The following PARP8 variants were observed in gnomAD, a reference collection of about 807,000 sequenced individuals.
The protein encoded by PARP8 is protein mono-ADP-ribosyltransferase PARP8.
PARP8 carries 51 observed loss-of-function variants against 124.1 expected under a neutral mutation model. The observed-to-expected ratio is 0.41, with a 90% CI of 0.33 to 0.52. The LOEUF (loss-of-function observed/expected upper bound fraction) is 0.52. Ranked by LOEUF, PARP8 falls within the 20% of genes least tolerant of loss-of-function variation. PARP8 has a pLI of 0.21. For missense variants in PARP8, 860 were observed against 1,018.9 expected (o/e 0.84, Z 2.12); for synonymous variants, 391 against 361.5 (o/e 1.08, Z -0.93).
At position 50,778,634 on chromosome 5, in the gene PARP8, G is replaced by A. The variant is rs1418834910; in HGVS notation, c.654G>A (p.Gln218=). 7 of 1,597,586 alleles carry A rather than the reference G, an allele frequency of 4.4e-6. No homozygotes were observed. Among genetic ancestry groups the A allele is most frequent in the Non-Finnish European group, 6.0e-6 (7 of 1,172,036 alleles). Residue 218 remains glutamine (Q), a synonymous_variant, in exon 9 of 26, where the codon CAG becomes CAA. Transcript: ENST00000281631. ...TTCGACTACACTGTTCACTTACACA[G>A]TATTTAAATGGCCCAGGTTAGTTTT... is the stretch of plus-strand genomic sequence containing the variant. ...IIVRLHCSLT[Q]YLNGPVPTVD...
intron 4 of PARP8, among the ~76,000 whole-genome samples, 193 bp downstream of exon 4, chr5:50,759,925 T>TA (rs1561340586): frequency 6.6e-6 from 1 of 152,180 alleles, no homozygotes; most frequent in African/African-American, 2.4e-5. Flanking sequence ...AAAGTAGTTG[T>TA]AAAAAAATTC....
chr5:50,830,615 A>G (rs915525398), intron 22 of PARP8, among the ~76,000 whole-genome samples: 2 of 152,234 alleles, frequency 1.3e-5, no homozygotes, highest in Non-Finnish European at 2.9e-5. Context: ...CATGATTTAT[A>G]TAACAACTAA....
intron 12 of PARP8, 111 bp from the exon 13 acceptor site, chr5:50,796,871 A>T: frequency 1.1e-6 from 1 of 903,158 alleles, no homozygotes; most frequent in Non-Finnish European, 1.6e-6. Context: ...TTCATATTTC[A>T]TGTGATCTTA....
In PARP8 at chr5:50,718,545, C is replaced by T. The variant is rs139640973; in HGVS notation, c.147-31606C>T. 3.0e-4 allele frequency among the ~76,000 whole-genome samples: 45 copies of T among 151,694 alleles called. 1 individual carries two copies. The East Asian group carries it at 7.0e-3, about 24-fold the overall frequency. Reference sequence around the variant, plus strand: ...ATTTGGTTCAGTTTTTTTTCAGCTCCGACATATGAGTGAGAATATGTAGTC... The same window carrying T: ...ATTTGGTTCAGTTTTTTTTCAGCTCTGACATATGAGTGAGAATATGTAGTC... On this transcript the variant is annotated intron_variant, in intron 2 of 25. Coordinates refer to ENST00000281631, the MANE Select transcript of PARP8 (RefSeq NM_024615.4).
rs189277860 is a variant in PARP8 at position 50,812,419 on chromosome 5, C to T, written c.1576-3013C>T. ...TTGAGAAGTGTCTGTTCGTATCCTT[C>T]GCCCACTTTTTGTTGGGGTTGTTTG... is the stretch of plus-strand genomic sequence containing the variant. On this transcript the variant is annotated intron_variant, in intron 14 of 25. Coordinates refer to ENST00000281631, the MANE Select transcript of PARP8 (RefSeq NM_024615.4). Among the ~76,000 whole-genome samples the T allele has an allele frequency of 2.1e-4, 32 of 152,158 alleles. 1 individual carries two copies. Among genetic ancestry groups the T allele is most frequent in the South Asian group, 8.3e-4 (4 of 4,816 alleles).
intron 22 of PARP8, among the ~76,000 whole-genome samples, chr5:50,830,327 ATAT>A (rs1746809173): frequency 6.6e-6 from 1 of 152,160 alleles, no homozygotes; most frequent in Admixed American, 6.5e-5. Context: ...TATCTTTGTA[ATAT>A]TATTCATAAA....
At chr5:50,720,096 A>C (rs1185618080) in intron 2 of PARP8, among the ~76,000 whole-genome samples, 3 of 152,096 alleles carry the variant, frequency 2.0e-5, no homozygotes, top group South Asian at 2.1e-4. Flanking sequence ...TTTCAAAAGC[A>C]ATATGTTTAG....
Position 50,667,056 on chromosome 5 carries a change from G to A in PARP8, c.-40G>A. 6.3e-7 allele frequency: 1 copy of A among 1,596,096 alleles called. No individual in the cohort carries two copies. Among genetic ancestry groups the A allele is most frequent in the Non-Finnish European group, 8.5e-7 (1 of 1,179,598 alleles). ...GAAGCGTGCGAGGGGGGTGGGGTGG[G>A]GTGGAAATAGCGGCTGCTTCTTTTC... On this transcript the variant is annotated 5_prime_UTR_variant, in exon 1 of 26. Transcript: ENST00000281631.
intron 7 of PARP8, among the ~76,000 whole-genome samples, chr5:50,770,655 G>C (rs1290765734): frequency 6.6e-6 from 1 of 151,214 alleles, no homozygotes; most frequent in East Asian, 1.9e-4. Flanking sequence ...AAGGGAGAAA[G>C]AGGAAAGAAA....
At chr5:50,770,598 GAAAA>G (rs1233139149) in intron 7 of PARP8, among the ~76,000 whole-genome samples, 1 of 150,020 alleles carries the variant, frequency 6.7e-6, no homozygotes. Context: ...GAAAGAGAAA[GAAAA>G]AGAAAGGAAG....
intron 14 of PARP8, among the ~76,000 whole-genome samples, chr5:50,803,959 G>C (rs1196209586): frequency 1.3e-5 from 2 of 152,170 alleles, no homozygotes; most frequent in East Asian, 3.9e-4. Flanking sequence ...GCAGTCCTTA[G>C]CCTTCATTCC....
intron 2 of PARP8, among the ~76,000 whole-genome samples, chr5:50,704,332 T>C (rs1222519003): frequency 2.6e-5 from 4 of 152,168 alleles, no homozygotes; most frequent in Admixed American, 6.5e-5. Flanking sequence ...AACTATCTTC[T>C]GTCAGGACAT....
At chr5:50,730,514 C>A (rs564910736) in intron 2 of PARP8, among the ~76,000 whole-genome samples, 2 of 152,166 alleles carry the variant, frequency 1.3e-5, no homozygotes, top group Admixed American at 1.3e-4. Context: ...GGGTTAACCG[C>A]CTCCATGATT....
At chr5:50,704,072 AATTCAC>A (rs374788048) in intron 2 of PARP8, among the ~76,000 whole-genome samples, 9 of 152,104 alleles carry the variant, frequency 5.9e-5, no homozygotes, top group African/African-American at 2.2e-4. Flanking sequence ...TTGTTTTCTT[AATTCAC>A]ATTCAGTCTT....
chr5:50,680,027 C>T (rs1249613735), intron 2 of PARP8, among the ~76,000 whole-genome samples: 1 of 152,154 alleles, frequency 6.6e-6, no homozygotes, highest in East Asian at 1.9e-4. Flanking sequence ...CAACTTTATA[C>T]ATACAGCCTG....
intron 2 of PARP8, among the ~76,000 whole-genome samples, chr5:50,718,782 G>A (rs1580082689): frequency 6.6e-6 from 1 of 151,948 alleles, no homozygotes; most frequent in South Asian, 2.1e-4. Flanking sequence ...AGTAAGCATG[G>A]GAGTGCAGAT....
chr5:50,800,176 G>A (rs1743043771), intron 14 of PARP8, among the ~76,000 whole-genome samples: 1 of 152,044 alleles, frequency 6.6e-6, no homozygotes, highest in African/African-American at 2.4e-5. Flanking sequence ...TTGTTTTTAA[G>A]CATTTTATTA....
At chr5:50,738,778 C>T (rs1292962809) in intron 2 of PARP8, among the ~76,000 whole-genome samples, 1 of 150,126 alleles carries the variant, frequency 6.7e-6, no homozygotes. Flanking sequence ...AGTTTACAAA[C>T]TTGTGTTGAG....
intron 2 of PARP8, among the ~76,000 whole-genome samples, chr5:50,722,972 A>G (rs769749297): frequency 9.9e-5 from 15 of 152,146 alleles, no homozygotes; most frequent in Non-Finnish European, 1.9e-4. Context: ...GCTTGGCAGC[A>G]GTGAATAGTT....
Sources: gnomAD v4.1 joint callset for allele counts (sites outside exome capture counted in the v4.1 genomes callset) on GRCh38, gnomAD v4.1.1 for gene constraint, MANE v1.5 for transcripts, NCBI Gene and HGNC (gene_info 2026-07-23, HGNC 2026-07-21) for gene names.